The following ADSS2 variants were observed in gnomAD, a reference collection of about 807,000 sequenced individuals.
ADSS2 encodes adenylosuccinate synthase 2.
ADSS2 carries 30 observed loss-of-function variants against 60.0 expected under a neutral mutation model. The observed-to-expected ratio is 0.50, with a 90% CI of 0.37 to 0.68. The LOEUF is 0.68. Among genes scored for constraint, ADSS2 ranks in the 30% least tolerant of loss-of-function variants. The probability of loss-of-function intolerance (pLI) is 0.00; values close to 1 mark genes in which losing one functional copy is unlikely to be tolerated. For missense variants in ADSS2, 373 were observed against 554.8 expected (o/e 0.67, Z 3.29); for synonymous variants, 187 against 193.1 (o/e 0.97, Z 0.26).
In ADSS2 at chr1:244,416,179, TAA is replaced by T. The variant is rs1373520019; in HGVS notation, c.1071-103_1071-102del. 8.0e-6 allele frequency: 6 copies of T among 748,928 alleles called. No individual in the cohort carries two copies. The African/African-American group carries it at 1.1e-4, about 13-fold the overall frequency. The allele number at this position is 748,928 out of a possible 1,614,324, so 46.4% of individuals were successfully genotyped here. A position where few individuals can be genotyped will look rare whatever the true frequency, so the allele number is the denominator to read the frequency against. ...AGTAAAGAAAAATTCATGCAAAGCT[TAA>T]AGTTCTAAAGCAATTCTGAAAACTG... On this transcript the variant is annotated intron_variant, in intron 10 of 12. Coordinates refer to ENST00000366535, the MANE Select transcript of ADSS2 (RefSeq NM_001126.5).
At chr1:244,412,883 C>CTTGAAGG (rs2147986316) in intron 11 of ADSS2, among the ~76,000 whole-genome samples, 1 of 152,284 alleles carries the variant, frequency 6.6e-6, no homozygotes, top group East Asian at 1.9e-4. Flanking sequence ...GTTGTGGCAT[C>CTTGAAGG]CTGTTGCTTG....
At chr1:244,435,194 A>AAAAAC (rs1553308065) in intron 3 of ADSS2, among the ~76,000 whole-genome samples, 25 of 127,892 alleles carry the variant, frequency 2.0e-4, no homozygotes, top group African/African-American at 6.7e-4. Flanking sequence ...AAAAAAAAAA[A>AAAAAC]AAACAAACCT....
chr1:244,440,471 G>C (rs1434937177), intron 1 of ADSS2, among the ~76,000 whole-genome samples: 1 of 152,154 alleles, frequency 6.6e-6, no homozygotes, highest in Non-Finnish European at 1.5e-5. Context: ...AAATCTGTAA[G>C]ACACACTTTG....
At chr1:244,418,953 T>G in intron 8 of ADSS2, 39 bp from the exon 9 acceptor site, 2 of 1,494,472 alleles carry the variant, frequency 1.3e-6, no homozygotes, top group South Asian at 2.5e-5. Context: ...AGTAGACACA[T>G]GAATAACACA....
chr1:244,417,642 G>A lies in ADSS2; in HGVS notation c.1056C>T (p.Ile352=). ...AGAATACTCACGCAGTAAATCCATT[G>A]ATCATATGAGCATATTTGAGCAAAA... is the stretch of plus-strand genomic sequence containing the variant. ...DLVLLKYAHM[I]NGFTALALTK... Residue 352 remains isoleucine (I), a synonymous_variant, in exon 10 of 13, where the codon ATC becomes ATT. Coordinates refer to ENST00000366535, the MANE Select transcript of ADSS2 (RefSeq NM_001126.5). 1 of 1,611,992 alleles carries A rather than the reference G, an allele frequency of 6.2e-7. No homozygotes were observed. The highest frequency in any genetic ancestry group is 1.3e-5 in the African/African-American group (1 of 74,930).
chr1:244,420,310 C>A lies in ADSS2; in HGVS notation c.664-14G>T. ...TTCCATATAACCCTATACACAAAGA[C>A]AAAAACCAATTTCCATGTATACTAA... On this transcript the variant is annotated splice_polypyrimidine_tract_variant and intron_variant, in intron 7 of 12. Transcript: ENST00000366535. 6.3e-7 allele frequency: 1 copy of A among 1,590,518 alleles called. No individual in the cohort carries two copies.
intron 3 of ADSS2, among the ~76,000 whole-genome samples, chr1:244,436,605 T>A (rs951611141): frequency 6.6e-6 from 1 of 152,222 alleles, no homozygotes; most frequent in African/African-American, 2.4e-5. Flanking sequence ...AGATGACTAA[T>A]GTGTAAAAAA....
chr1:244,413,969 T>C (rs1453971233), intron 11 of ADSS2, among the ~76,000 whole-genome samples: 2 of 152,130 alleles, frequency 1.3e-5, no homozygotes, highest in Non-Finnish European at 2.9e-5. Context: ...AACCAAGCTC[T>C]GCCAAGATCT....
intron 1 of ADSS2, among the ~76,000 whole-genome samples, chr1:244,449,284 C>G (rs1476999205): frequency 6.6e-6 from 1 of 152,156 alleles, no homozygotes. Context: ...CCTTATGAGT[C>G]TACTGGTGAA....
At chr1:244,437,822 C>G in intron 1 of ADSS2, 54 bp from the exon 2 acceptor site, 2 of 1,299,018 alleles carry the variant, frequency 1.5e-6, no homozygotes, top group Admixed American at 3.4e-5. Flanking sequence ...TACAAATAAC[C>G]TATCTCCCTC....
At chr1:244,410,000 A>G (rs1250146065) in intron 12 of ADSS2, among the ~76,000 whole-genome samples, 1 of 152,210 alleles carries the variant, frequency 6.6e-6, no homozygotes, top group East Asian at 1.9e-4. Context: ...TGAGAATATG[A>G]TTTTAACTTG....
At chr1:244,436,724 A>C in intron 3 of ADSS2, 101 bp downstream of exon 3, 1 of 1,057,688 alleles carries the variant, frequency 9.5e-7, no homozygotes, top group Non-Finnish European at 1.4e-6. Flanking sequence ...AATAGCCCGA[A>C]ATTTTAAAGC....
At chr1:244,451,930 G>T, upstream of ADSS2, 1 of 1,156,518 alleles carries the variant, frequency 8.6e-7, no homozygotes, top group Non-Finnish European at 1.2e-6. The surrounding 1 kb of genome is among the most constrained non-coding windows in gnomAD (Gnocchi z 6.6). Flanking sequence ...CCAGAGGCCG[G>T]CCCCGCCCCC....
chr1:244,416,450 T>C (rs1261222695), intron 10 of ADSS2, among the ~76,000 whole-genome samples: 1 of 152,200 alleles, frequency 6.6e-6, no homozygotes, highest in Non-Finnish European at 1.5e-5. Flanking sequence ...CCTGAGTACC[T>C]GGGACTACAG....
At chr1:244,417,855 A>T (rs1664575555) in intron 9 of ADSS2, 103 bp from the exon 10 acceptor site, 4 of 1,083,480 alleles carry the variant, frequency 3.7e-6, no homozygotes, top group Non-Finnish European at 5.2e-6. Context: ...TGAGATAAAC[A>T]TCTTTCAGGT....
At position 244,432,540 on chromosome 1, in the gene ADSS2, CT is replaced by C; in HGVS notation, c.406+4del. 6.4e-7 allele frequency: 1 copy of C among 1,562,200 alleles called. No individual in the cohort carries two copies. The highest frequency in any genetic ancestry group is 8.7e-7 in the Non-Finnish European group (1 of 1,150,354). ...TTACAAATAAATGCAATATATCCACCTTACCAATATGAGCTCTGTCAGATAT... is the reference window on the plus strand; with the variant it reads ...TTACAAATAAATGCAATATATCCACCTACCAATATGAGCTCTGTCAGATAT... On this transcript the variant is annotated splice_donor_region_variant and intron_variant, in intron 4 of 12. Coordinates refer to ENST00000366535, the MANE Select transcript of ADSS2 (RefSeq NM_001126.5).
chr1:244,451,615 G>A lies in ADSS2; in HGVS notation c.183+20C>T. 1 of 1,597,556 alleles carries A rather than the reference G, an allele frequency of 6.3e-7. No individual in the cohort carries two copies. Among genetic ancestry groups the A allele is most frequent in the Non-Finnish European group, 8.5e-7 (1 of 1,171,266 alleles). On this transcript the variant is annotated intron_variant, in intron 1 of 12. Transcript: ENST00000366535. This position sits in a 1 kb window ranked among gnomAD's most constrained non-coding sequence, Gnocchi z 6.6. ...CGAGCTCCCGGGCCCGGCTTCCCAT[G>A]AGAGGCCCCGTCGCCTCACCTGGCA...
chr1:244,424,137 A>C, intron 5 of ADSS2, 77 bp from the exon 6 acceptor site: 1 of 1,274,480 alleles, frequency 7.8e-7, no homozygotes, highest in Non-Finnish European at 1.1e-6. Context: ...TGCAGTGAAT[A>C]AAGTTACATA....
At position 244,423,010 on chromosome 1, in the gene ADSS2, G is replaced by A. The variant is rs545919383; in HGVS notation, c.582-94C>T. 2.4e-5 allele frequency: 18 copies of A among 758,770 alleles called. No homozygotes were observed. The African/African-American group carries it at 2.9e-4, about 12-fold the overall frequency. 47.0% of individuals were successfully genotyped at this position (758,770 alleles called of 1,614,324 possible). A position where few individuals can be genotyped will look rare whatever the true frequency, so the allele number is the denominator to read the frequency against. On this transcript the variant is annotated intron_variant, in intron 6 of 12. Coordinates refer to ENST00000366535, the MANE Select transcript of ADSS2 (RefSeq NM_001126.5). Reference sequence around the variant, plus strand: ...CAAATGGTTTCTGCAGATGGTAAATGATCTTAACAGCAAATTAATCCTGAA... The same window carrying A: ...CAAATGGTTTCTGCAGATGGTAAATAATCTTAACAGCAAATTAATCCTGAA...
Sources: gnomAD v4.1 joint callset for allele counts (sites outside exome capture counted in the v4.1 genomes callset) on GRCh38, gnomAD v4.1.1 for gene constraint, Gnocchi (gnomAD v3.1) non-coding constraint, MANE v1.5 for transcripts, NCBI Gene and HGNC (gene_info 2026-07-23, HGNC 2026-07-21) for gene names.